RAB6A: variants seen among roughly 807,000 people sequenced by gnomAD.
RAB6A encodes RAB6A, member RAS oncogene family.
Under a neutral mutation model 32.3 loss-of-function variants are expected in RAB6A, and 8 were observed. The ratio of observed to expected loss-of-function variants is 0.25; its 90% CI spans 0.15 to 0.45. The LOEUF (loss-of-function observed/expected upper bound fraction) is 0.45, where lower values mean the gene tolerates loss of function less well. Among genes scored for constraint, RAB6A ranks in the 20% least tolerant of loss-of-function variants. The pLI is 1.00. For synonymous variants in RAB6A, 73 were observed against 82.1 expected (o/e 0.89, Z 0.60); for missense variants, 104 against 249.4 (o/e 0.42, Z 3.93).
chr11:73,704,824 CT>C (rs956341980), intron 6 of RAB6A, among the ~76,000 whole-genome samples: 1 of 151,462 alleles, frequency 6.6e-6, no homozygotes, highest in Non-Finnish European at 1.5e-5. Context: ...GTGAAACCCC[CT>C]ATCTACTAAA....
intron 6 of RAB6A, among the ~76,000 whole-genome samples, chr11:73,687,136 A>G (rs1017291845): frequency 6.6e-6 from 1 of 152,158 alleles, no homozygotes; most frequent in African/African-American, 2.4e-5. Context: ...AAAGGAACAA[A>G]TATTGTATGA....
At chr11:73,678,227 G>T (rs1375851884) in intron 7 of RAB6A, among the ~76,000 whole-genome samples, 2 of 152,194 alleles carry the variant, frequency 1.3e-5, no homozygotes, top group Non-Finnish European at 2.9e-5. Context: ...GGCAAGAAGT[G>T]ATATGAAGAT....
At chr11:73,702,281 C>T (rs1216977791) in intron 6 of RAB6A, among the ~76,000 whole-genome samples, 2 of 152,212 alleles carry the variant, frequency 1.3e-5, no homozygotes, top group East Asian at 3.8e-4. Flanking sequence ...CTGCCTCAGT[C>T]TCCTGAGTAG....
At chr11:73,711,928 C>T (rs1945963892) in intron 5 of RAB6A, among the ~76,000 whole-genome samples, 1 of 152,036 alleles carries the variant, frequency 6.6e-6, no homozygotes. Context: ...CTCCATGAAC[C>T]GTTCATATTT....
At chr11:73,751,016 G>A (rs1946662619) in intron 1 of RAB6A, among the ~76,000 whole-genome samples, 1 of 151,978 alleles carries the variant, frequency 6.6e-6, no homozygotes, top group Non-Finnish European at 1.5e-5. Context: ...TGTTGCCCAG[G>A]CTGGTCTCCA....
Position 73,711,250 on chromosome 11 carries a change from G to C in RAB6A, c.402-3737C>G, listed in dbSNP as rs78313216. Among the ~76,000 whole-genome samples the C allele has an allele frequency of 1.7e-3, 259 of 152,276 alleles. 1 individual carries two copies. The highest frequency in any genetic ancestry group is 9.8e-3 in the East Asian group (51 of 5,182). On this transcript the variant is annotated intron_variant, in intron 5 of 7. Transcript: ENST00000336083. ...TTCTCCTGGAAGTACTTGATGCTGA[G>C]CTCCACAGCAGCAGTCCAGCTGGGA... is the stretch of plus-strand genomic sequence containing the variant.
chr11:73,707,138 AAAAAG>A (rs1456203610), intron 6 of RAB6A, among the ~76,000 whole-genome samples: 1 of 151,552 alleles, frequency 6.6e-6, no homozygotes, highest in Admixed American at 6.6e-5. Flanking sequence ...AAAAAAAAAA[AAAAAG>A]AAAAGAAAAT....
Position 73,707,436 on chromosome 11 carries a change from C to G in RAB6A, c.479G>C (p.Gly160Ala), listed in dbSNP as rs775317770. 6.2e-7 allele frequency: 1 copy of G among 1,612,330 alleles called. No individual in the cohort carries two copies. The highest frequency in any genetic ancestry group is 1.3e-5 in the African/African-American group (1 of 74,840). The stretch of plus-strand genomic sequence containing the variant: ...TCAACTTACCTGCTTTACATTGTAT[C>G]CAGCTTTTGCACTAGTTTCAATAAA... ...VMFIETSAKAGYNVKQLFRRV... is the reference protein window; with the variant it reads ...VMFIETSAKAAYNVKQLFRRV... The change falls in exon 6 of 8, where the codon GGA (glycine) becomes GCA (alanine). Residue 160 changes from glycine to alanine, a missense_variant. Around this residue, in one of 4 missense-constraint regions of RAB6A, gnomAD observed 33 missense variants for 59.5 expected, o/e 0.55. Coordinates refer to ENST00000336083, the MANE Select transcript of RAB6A (RefSeq NM_198896.2).
chr11:73,747,445 C>A (rs962178378), intron 1 of RAB6A, among the ~76,000 whole-genome samples: 1 of 130,054 alleles, frequency 7.7e-6, no homozygotes, highest in Non-Finnish European at 1.7e-5. Flanking sequence ...AACCCCCCCC[C>A]GCCCCGCCCC....
rs534283674 is a variant in RAB6A at position 73,705,889 on chromosome 11, C to G, written c.495+1531G>C. Among the ~76,000 whole-genome samples, 70 of 151,336 alleles carry G rather than the reference C, an allele frequency of 4.6e-4. 1 individual carries two copies. Among genetic ancestry groups the G allele is most frequent in the African/African-American group, 1.6e-3 (68 of 41,228 alleles). ...ACATAAGAGAATCAGGTGTCACAGA[C>G]AGGAGGTAGGATGGGAAATGTCAGA... On this transcript the variant is annotated intron_variant, in intron 6 of 7. Transcript: ENST00000336083.
intron 2 of RAB6A, among the ~76,000 whole-genome samples, chr11:73,725,185 G>C (rs2134962121): frequency 6.6e-6 from 1 of 152,336 alleles, no homozygotes; most frequent in Non-Finnish European, 1.5e-5. Flanking sequence ...TAAGAAGCAA[G>C]GTCTTCAAAG....
At chr11:73,706,303 C>G (rs1372614711) in intron 6 of RAB6A, among the ~76,000 whole-genome samples, 1 of 151,878 alleles carries the variant, frequency 6.6e-6, no homozygotes, top group Non-Finnish European at 1.5e-5. Flanking sequence ...ATCACGAGGT[C>G]AGGAGATTGA....
intron 2 of RAB6A, among the ~76,000 whole-genome samples, chr11:73,723,620 CG>C (rs1247533438): frequency 2.0e-5 from 3 of 152,074 alleles, no homozygotes; most frequent in Non-Finnish European, 2.9e-5. Flanking sequence ...TGAGCCACTG[CG>C]CCTGGCCGAA....
Position 73,707,610 on chromosome 11 carries a change from G to C in RAB6A, c.402-97C>G. The C allele has an allele frequency of 1.4e-5, 12 of 866,684 alleles. No individual in the cohort carries two copies. The South Asian group carries it at 1.9e-4, about 13-fold the overall frequency. 53.7% of individuals were successfully genotyped at this position (866,684 alleles called of 1,614,324 possible). A position where few individuals can be genotyped will look rare whatever the true frequency, so the allele number is the denominator to read the frequency against. On this transcript the variant is annotated intron_variant, in intron 5 of 7. Coordinates refer to ENST00000336083, the MANE Select transcript of RAB6A (RefSeq NM_198896.2). The stretch of plus-strand genomic sequence containing the variant: ...TGAAAATAACTTTCCTTGATATAAG[G>C]ACTGGTTATACAGGTCACATTAGTT...
chr11:73,736,809 G>GAAA (rs756237159), intron 1 of RAB6A, among the ~76,000 whole-genome samples: 1,089 of 108,736 alleles, frequency 0.01, 30 homozygotes, highest in African/African-American at 0.029. Context: ...AAAAAAAAAA[G>GAAA]AAAAAAAAAA....
At chr11:73,692,509 A>G (rs1945585995) in intron 6 of RAB6A, among the ~76,000 whole-genome samples, 1 of 150,094 alleles carries the variant, frequency 6.7e-6, no homozygotes, top group Non-Finnish European at 1.5e-5. Flanking sequence ...TCTCAAAAAA[A>G]AAAAAAAAAA....
intron 5 of RAB6A, among the ~76,000 whole-genome samples, chr11:73,715,166 G>A (rs937429375): frequency 6.6e-6 from 1 of 151,554 alleles, no homozygotes; most frequent in Non-Finnish European, 1.5e-5. Context: ...TCACTCTGTT[G>A]CCCAGGCTGG....
At chr11:73,732,455 G>A (rs1268459526) in intron 1 of RAB6A, among the ~76,000 whole-genome samples, 5 of 152,082 alleles carry the variant, frequency 3.3e-5, no homozygotes, top group East Asian at 1.9e-4. Flanking sequence ...GCGTGGTGGC[G>A]GGCACCTGTA....
At chr11:73,699,833 A>G (rs1945713503) in intron 6 of RAB6A, among the ~76,000 whole-genome samples, 1 of 152,210 alleles carries the variant, frequency 6.6e-6, no homozygotes, top group African/African-American at 2.4e-5. Flanking sequence ...CTATAAGCCA[A>G]CTGTGGTAGA....
Sources: gnomAD v4.1 joint callset for allele counts (sites outside exome capture counted in the v4.1 genomes callset) on GRCh38, gnomAD v4.1.1 for gene constraint, gnomAD v4.1.1 regional missense constraint, MANE v1.5 for transcripts, NCBI Gene and HGNC (gene_info 2026-07-23, HGNC 2026-07-21) for gene names.